COL9A3: variants seen among roughly 807,000 people sequenced by gnomAD.
COL9A3 encodes the protein collagen type IX alpha 3 chain, also known as collagen alpha-3(IX) chain.
COL9A3 carries 82 observed loss-of-function variants against 110.2 expected under a neutral mutation model. The ratio of observed to expected loss-of-function variants is 0.74; its 90% CI spans 0.62 to 0.89. The LOEUF (loss-of-function observed/expected upper bound fraction) is 0.89. COL9A3 is among the 40% of genes least tolerant of loss of function. The pLI is 0.00. For missense variants in COL9A3, 1,066 were observed against 981.3 expected, an observed-to-expected ratio of 1.09 and a Z score of -1.15; for synonymous variants, 494 against 403.8, an observed-to-expected ratio of 1.22 and a Z score of -2.68.
At position 62,828,739 on chromosome 20, in the gene COL9A3, G is replaced by A. The variant is rs766630419; in HGVS notation, c.901-25G>A. 36 of 1,612,214 alleles carry A rather than the reference G, an allele frequency of 2.2e-5. 1 individual carries two copies. The East Asian group carries it at 7.1e-4, about 32-fold the overall frequency. On this transcript the variant is annotated intron_variant, in intron 17 of 31. Coordinates refer to ENST00000649368, the MANE Select transcript of COL9A3 (RefSeq NM_001853.4). ...GAGGGAGGGGGGCCACTGCCCGACG[G>A]GCCTTACTCATCCCTTGTCCCCAGG...
At chr20:62,822,558 C>T (rs371511902) in intron 9 of COL9A3, 33 bp from the exon 10 acceptor site, 9 of 1,609,690 alleles carry the variant, frequency 5.6e-6, no homozygotes, top group East Asian at 2.2e-5. Flanking sequence ...CTGGGGAGGG[C>T]GGGAGAATGT....
At chr20:62,819,106 G>A (rs1991032416) in intron 3 of COL9A3, 116 bp from the exon 4 acceptor site, 1 of 1,023,710 alleles carries the variant, frequency 9.8e-7, no homozygotes, top group Admixed American at 2.0e-5. Flanking sequence ...CCAGGAGAGG[G>A]GCCCATCCCG....
intron 14 of COL9A3, among the ~76,000 whole-genome samples, 197 bp downstream of exon 14, chr20:62,826,454 G>C (rs1001924204): frequency 6.6e-6 from 1 of 152,210 alleles, no homozygotes; most frequent in African/African-American, 2.4e-5. Context: ...GACAGTCGGC[G>C]CTCACTGATG....
intron 25 of COL9A3, chr20:62,832,708 A>AGTGCCTGCTCTCT: frequency 7.9e-6 from 2 of 252,112 alleles, no homozygotes; most frequent in Non-Finnish European, 1.3e-5. Flanking sequence ...GCCTGCTCTC[A>AGTGCCTGCTCTCT]CTTCTAGGCA....
chr20:62,840,504 G>A lies in COL9A3; in HGVS notation c.1865-38G>A, dbSNP rs141943251. ...TGTCAAGTCCCCCTGCTTTCAGTCC[G>A]GGCTGCAGCTGAACTCACCTTTCTG... On this transcript the variant is annotated intron_variant, in intron 31 of 31. Coordinates refer to ENST00000649368, the MANE Select transcript of COL9A3 (RefSeq NM_001853.4). 4.5e-4 allele frequency: 708 copies of A among 1,586,480 alleles called. 3 individuals carry two copies. The African/African-American group carries it at 7.5e-3, about 17-fold the overall frequency.
Position 62,829,439 on chromosome 20 carries a change from A to G in COL9A3, c.1009-16A>G, listed in dbSNP as rs1568757477. The G allele has an allele frequency of 1.2e-6, 2 of 1,612,690 alleles. No individual in the cohort carries two copies. Among genetic ancestry groups the G allele is most frequent in the Non-Finnish European group, 1.7e-6 (2 of 1,179,898 alleles). ...AATGTAACTGGCAGCCCTGACCGCAAGCTCTCTCCTGGCAGGGCCTCCCTG... is the reference window on the plus strand; with the variant it reads ...AATGTAACTGGCAGCCCTGACCGCAGGCTCTCTCCTGGCAGGGCCTCCCTG... On this transcript the variant is annotated splice_polypyrimidine_tract_variant and intron_variant, in intron 19 of 31. Coordinates refer to ENST00000649368, the MANE Select transcript of COL9A3 (RefSeq NM_001853.4).
intron 10 of COL9A3, among the ~76,000 whole-genome samples, chr20:62,824,222 T>TGGCCTCCTGGGGTCCCATCATCTGTGC (rs2063532415): frequency 1.9e-5 from 2 of 106,282 alleles, no homozygotes; most frequent in African/African-American, 6.4e-5. Flanking sequence ...GTCACCCACG[T>TGGCCTCCTGGGGTCCCATCATCTGTGC]GGAGTGGCCT....
chr20:62,838,502 C>T (rs969023992), intron 30 of COL9A3, among the ~76,000 whole-genome samples, 182 bp from the exon 31 acceptor site: 3 of 152,246 alleles, frequency 2.0e-5, no homozygotes, highest in African/African-American at 7.2e-5. Context: ...AGACTGTGTA[C>T]AGGTGGGTCC....
Position 62,828,747 on chromosome 20 carries a change from T to C in COL9A3, c.901-17T>C. ...GGGGCCACTGCCCGACGGGCCTTACTCATCCCTTGTCCCCAGGGCATGCCG... is the reference window on the plus strand; with the variant it reads ...GGGGCCACTGCCCGACGGGCCTTACCCATCCCTTGTCCCCAGGGCATGCCG... On this transcript the variant is annotated splice_polypyrimidine_tract_variant and intron_variant, in intron 17 of 31. Coordinates refer to ENST00000649368, the MANE Select transcript of COL9A3 (RefSeq NM_001853.4). The C allele has an allele frequency of 6.2e-7, 1 of 1,612,456 alleles. No homozygotes were observed. Among genetic ancestry groups the C allele is most frequent in the Non-Finnish European group, 8.5e-7 (1 of 1,179,710 alleles).
intron 26 of COL9A3, 76 bp downstream of exon 26, chr20:62,833,140 G>A: frequency 8.1e-7 from 1 of 1,241,148 alleles, no homozygotes; most frequent in South Asian, 1.2e-5. Context: ...ACAGTCCTGG[G>A]GACAGGGTCA....
chr20:62,831,945 A>T, intron 24 of COL9A3: 1 of 639,404 alleles, frequency 1.6e-6, no homozygotes. Context: ...CACTACCCAC[A>T]AGGGGAGGCT....
Position 62,828,832 on chromosome 20 carries a change from C to T in COL9A3, c.954+15C>T, listed in dbSNP as rs1269489571. 1.2e-6 allele frequency: 2 copies of T among 1,612,762 alleles called. No individual in the cohort carries two copies. The highest frequency in any genetic ancestry group is 1.7e-6 in the Non-Finnish European group (2 of 1,179,994). On this transcript the variant is annotated intron_variant, in intron 18 of 31. Coordinates refer to ENST00000649368, the MANE Select transcript of COL9A3 (RefSeq NM_001853.4). Reference sequence around the variant, plus strand: ...ATGGCCAGAAGGTTGGCATGGGGCTCAGGGTGTGACGGGAGGGAGGGGGCT... The same window carrying T: ...ATGGCCAGAAGGTTGGCATGGGGCTTAGGGTGTGACGGGAGGGAGGGGGCT...
Position 62,830,607 on chromosome 20 carries a change from A to T in COL9A3, c.1287+19A>T, listed in dbSNP as rs1425825479. 10 of 1,556,968 alleles carry T rather than the reference A, an allele frequency of 6.4e-6. No homozygotes were observed. Among genetic ancestry groups the T allele is most frequent in the Non-Finnish European group, 8.7e-6 (10 of 1,154,996 alleles). On this transcript the variant is annotated intron_variant, in intron 24 of 31. Transcript: ENST00000649368. ...CGACCGGGTAAGTGGCCCTCTCAGC[A>T]GGAAGCTCCCCTGCACCCCCTCTAC... is the stretch of plus-strand genomic sequence containing the variant.
chr20:62,821,454 G>A, intron 6 of COL9A3, 53 bp from the exon 7 acceptor site: 1 of 1,611,112 alleles, frequency 6.2e-7, no homozygotes, highest in Non-Finnish European at 8.5e-7. Context: ...GGAGGGGTGA[G>A]GCGCAGCCCT....
chr20:62,836,080 G>A, intron 27 of COL9A3, 107 bp from the exon 28 acceptor site: 1 of 1,604,252 alleles, frequency 6.2e-7, no homozygotes, highest in Non-Finnish European at 8.5e-7. Context: ...AGCTTGCTCT[G>A]GTCAAGGCTG....
chr20:62,824,894 GC>G, intron 11 of COL9A3, 73 bp from the exon 12 acceptor site: 1 of 1,457,318 alleles, frequency 6.9e-7, no homozygotes, highest in Non-Finnish European at 9.5e-7. Flanking sequence ...GACCCTGCAG[GC>G]CTCACTTCAG....
intron 31 of COL9A3, among the ~76,000 whole-genome samples, chr20:62,839,264 T>G (rs76819108): frequency 0.024 from 3,619 of 152,254 alleles, 130 homozygotes; most frequent in African/African-American, 0.082. Context: ...AAGCAGATCC[T>G]CCTGGATCTA....
chr20:62,821,681 C>T (rs1384320812), intron 7 of COL9A3, 76 bp from the exon 8 acceptor site: 35 of 1,537,554 alleles, frequency 2.3e-5, no homozygotes, highest in African/African-American at 2.7e-5. Context: ...CCTTCGGAGG[C>T]GGCACACCAA....
Position 62,835,938 on chromosome 20 carries a change from C to T in COL9A3, c.1386C>T (p.Val462=), listed in dbSNP as rs374277799. The change falls in exon 27 of 32, where the codon GTC becomes GTT. Residue 462 remains valine (V), a synonymous_variant. Transcript: ENST00000649368. ...DKGELGPSGL[V]GPKGESGSRG... Reference sequence around the variant, plus strand: ...CTTCACAGGGTCCCAGCGGCCTGGTCGGACCCAAAGGAGAGGTGAGTGCCC... The same window carrying T: ...CTTCACAGGGTCCCAGCGGCCTGGTTGGACCCAAAGGAGAGGTGAGTGCCC... The T allele has an allele frequency of 1.4e-5, 23 of 1,614,056 alleles. No individual in the cohort carries two copies. The highest frequency in any genetic ancestry group is 5.5e-5 in the South Asian group (5 of 91,044).
Sources: allele counts gnomAD v4.1 joint callset (sites outside exome capture counted in the v4.1 genomes callset), GRCh38; gene constraint gnomAD v4.1.1; transcripts MANE v1.5; gene names NCBI Gene and HGNC (gene_info 2026-07-23, HGNC 2026-07-21).